The following AFG2A variants were observed in gnomAD, a reference collection of about 807,000 sequenced individuals.
AFG2A encodes the protein ATPase family gene 2 protein homolog A.
chr4:123,314,255 G>A, the AFG2A span: 2 of 395,362 alleles, frequency 5.1e-6, no homozygotes, highest in Non-Finnish European at 8.7e-6. Context: ...CTGAGCATAA[G>A]TTTCAATCAG....
chr4:122,999,923 A>G, the AFG2A span, among the ~76,000 whole-genome samples: 1 of 152,118 alleles, frequency 6.6e-6, no homozygotes, highest in Non-Finnish European at 1.5e-5. Flanking sequence ...CACGATATTG[A>G]TTCTTCCTAC....
At chr4:123,028,274 T>C in the AFG2A span, 1 of 1,614,214 alleles carries the variant, frequency 6.2e-7, no homozygotes, top group Non-Finnish European at 8.5e-7. Context: ...CCAGAGTCTT[T>C]CATTCGAATG....
the AFG2A span, among the ~76,000 whole-genome samples, chr4:122,983,058 G>A: frequency 2.6e-5 from 4 of 151,892 alleles, no homozygotes; most frequent in Admixed American, 2.0e-4. Flanking sequence ...AGTAGAGACG[G>A]GGTTTCACCA....
the AFG2A span, among the ~76,000 whole-genome samples, chr4:123,099,732 A>G: frequency 2.6e-5 from 4 of 151,900 alleles, no homozygotes; most frequent in South Asian, 6.2e-4. Flanking sequence ...CTTCCACTAA[A>G]TACTTATTTT....
chr4:123,285,291 C>T, the AFG2A span, among the ~76,000 whole-genome samples: 1 of 152,172 alleles, frequency 6.6e-6, no homozygotes, highest in East Asian at 1.9e-4. Context: ...TCCTCTACTT[C>T]TTCCTGTCTT....
At chr4:122,931,438 G>A in the AFG2A span, among the ~76,000 whole-genome samples, 1 of 151,926 alleles carries the variant, frequency 6.6e-6, no homozygotes, top group Admixed American at 6.6e-5. Flanking sequence ...TTCTCCTAGA[G>A]GGAAATACGT....
chr4:123,121,333 G>T, the AFG2A span, among the ~76,000 whole-genome samples: 1 of 151,624 alleles, frequency 6.6e-6, no homozygotes. Flanking sequence ...AATAAGTTTA[G>T]CATAGTCTTA....
chr4:123,015,680 G>C, the AFG2A span, among the ~76,000 whole-genome samples: 4 of 151,410 alleles, frequency 2.6e-5, no homozygotes, highest in Non-Finnish European at 5.9e-5. Flanking sequence ...ATCATGGCCC[G>C]TTATCAATGA....
chr4:123,146,549 A>T, the AFG2A span, among the ~76,000 whole-genome samples: 1 of 152,212 alleles, frequency 6.6e-6, no homozygotes, highest in Admixed American at 6.5e-5. Flanking sequence ...AGTGAAAAAT[A>T]TGCATAGTTA....
the AFG2A span, among the ~76,000 whole-genome samples, chr4:123,312,347 T>C: frequency 1.0e-3 from 159 of 152,310 alleles, no homozygotes; most frequent in African/African-American, 3.7e-3. Context: ...GTAGTGCTCT[T>C]TGCCTCTTCC....
At chr4:123,195,545 T>C in the AFG2A span, among the ~76,000 whole-genome samples, 3 of 152,228 alleles carry the variant, frequency 2.0e-5, no homozygotes, top group Non-Finnish European at 4.4e-5. Context: ...TATACAGTTA[T>C]GTTTTTAAAA....
At chr4:123,220,992 G>T in the AFG2A span, among the ~76,000 whole-genome samples, 1 of 152,168 alleles carries the variant, frequency 6.6e-6, no homozygotes, top group Non-Finnish European at 1.5e-5. Flanking sequence ...AGTATCCTAT[G>T]TAGTGTGTAT....
the AFG2A span, among the ~76,000 whole-genome samples, chr4:123,152,231 G>A: frequency 6.6e-6 from 1 of 152,122 alleles, no homozygotes; most frequent in Non-Finnish European, 1.5e-5. Context: ...GTATACCTAT[G>A]TAACAAACCT....
chr4:123,216,663 A>C, the AFG2A span, among the ~76,000 whole-genome samples: 2 of 90,770 alleles, frequency 2.2e-5, no homozygotes, highest in African/African-American at 8.5e-5. Flanking sequence ...TATTATTTTT[A>C]CTTTTTTTTT....
At chr4:123,227,405 G>A in the AFG2A span, among the ~76,000 whole-genome samples, 4 of 152,080 alleles carry the variant, frequency 2.6e-5, no homozygotes, top group Admixed American at 1.3e-4. Flanking sequence ...ATTCTGGTAC[G>A]TTGTGTCTTT....
chr4:123,090,525 A>C, the AFG2A span: 2 of 1,586,088 alleles, frequency 1.3e-6, no homozygotes, highest in South Asian at 2.3e-5. Flanking sequence ...ATTAATAGAT[A>C]ATAGTATTTG....
the AFG2A span, among the ~76,000 whole-genome samples, chr4:123,103,973 A>G: frequency 6.6e-6 from 1 of 152,168 alleles, no homozygotes; most frequent in African/African-American, 2.4e-5. Context: ...AAATTTCACC[A>G]CAGAGCAGCA....
the AFG2A span, among the ~76,000 whole-genome samples, chr4:123,167,558 A>G: frequency 1.3e-5 from 2 of 152,164 alleles, no homozygotes; most frequent in African/African-American, 4.8e-5. Context: ...CATGTTAGCC[A>G]GGATGGTCTC....
the AFG2A span, among the ~76,000 whole-genome samples, chr4:122,939,301 C>T: frequency 3.3e-5 from 5 of 151,882 alleles, no homozygotes; most frequent in East Asian, 1.9e-4. Context: ...AGGCTGGTCT[C>T]GAGCTCCTGA....
Sources: allele counts gnomAD v4.1 joint callset (sites outside exome capture counted in the v4.1 genomes callset), GRCh38; gene constraint gnomAD v4.1.1; transcripts MANE v1.5; gene names NCBI Gene and HGNC (gene_info 2026-07-23, HGNC 2026-07-21).